Variants in KDM4C observed in about 807,000 individuals in gnomAD.
KDM4C encodes the protein lysine-specific demethylase 4C.
A neutral mutation model predicts 129.3 loss-of-function variants in KDM4C; 81 were observed. That is an observed-to-expected ratio of 0.63 (90% CI 0.52 to 0.75). KDM4C has a LOEUF of 0.75. Ranked by LOEUF, KDM4C falls within the 30% of genes least tolerant of loss-of-function variation. KDM4C has a pLI of 0.00. For synonymous variants in KDM4C, 573 were observed against 456.1 expected (o/e 1.26, Z -3.26); for missense variants, 1,457 against 1,304.0 (o/e 1.12, Z -1.81).
chr9:7,035,112 A>C (rs1370202408), intron 15 of KDM4C, among the ~76,000 whole-genome samples: 2 of 151,546 alleles, frequency 1.3e-5, no homozygotes, highest in Non-Finnish European at 2.9e-5. Context: ...TCCTGAGCTC[A>C]TGTGATCCTC....
At position 7,137,417 on chromosome 9, in the gene KDM4C, G is replaced by A. The variant is rs148868137; in HGVS notation, c.2781+9181G>A. ...CCAGATGTCACTATCACTTCACATC[G>A]TAATATCAGATTGTCACCATTCATT... is the stretch of plus-strand genomic sequence containing the variant. On this transcript the variant is annotated intron_variant, in intron 19 of 21. Transcript: ENST00000381309. Among the ~76,000 whole-genome samples the A allele has an allele frequency of 2.8e-3, 433 of 152,218 alleles. 4 individuals carry two copies. Among genetic ancestry groups the A allele is most frequent in the South Asian group, 0.012 (60 of 4,822 alleles).
intron 1 of KDM4C, among the ~76,000 whole-genome samples, chr9:6,730,024 C>T (rs763683118): frequency 7.4e-6 from 1 of 134,746 alleles, no homozygotes; most frequent in Non-Finnish European, 1.5e-5. Flanking sequence ...GCAGGAGAAT[C>T]GCTTGAACCC....
intron 18 of KDM4C, among the ~76,000 whole-genome samples, chr9:7,117,369 T>G (rs1839017226): frequency 6.6e-6 from 1 of 152,168 alleles, no homozygotes; most frequent in Non-Finnish European, 1.5e-5. Flanking sequence ...CAACTGTAAT[T>G]GAGAGTCAGA....
At chr9:6,947,331 C>A (rs929554970) in intron 8 of KDM4C, among the ~76,000 whole-genome samples, 1 of 152,064 alleles carries the variant, frequency 6.6e-6, no homozygotes, top group South Asian at 2.1e-4. Context: ...CATTTCTCAT[C>A]TTTAGTAGTC....
At chr9:7,054,663 A>G (rs1353626995) in intron 17 of KDM4C, among the ~76,000 whole-genome samples, 1 of 152,224 alleles carries the variant, frequency 6.6e-6, no homozygotes, top group Non-Finnish European at 1.5e-5. Flanking sequence ...GTTAAAAAGA[A>G]GTATGGATTT....
At chr9:6,887,053 A>G (rs1370993182) in intron 6 of KDM4C, among the ~76,000 whole-genome samples, 1 of 152,166 alleles carries the variant, frequency 6.6e-6, no homozygotes, top group African/African-American at 2.4e-5. Context: ...ACACATATGC[A>G]TTGCATGTGC....
intron 15 of KDM4C, among the ~76,000 whole-genome samples, chr9:7,030,592 T>G (rs770078644): frequency 2.0e-5 from 3 of 152,190 alleles, no homozygotes; most frequent in Non-Finnish European, 2.9e-5. Flanking sequence ...TCTGTACCCT[T>G]CAATTATGCT....
chr9:7,158,616 A>G (rs1412428349), intron 19 of KDM4C, among the ~76,000 whole-genome samples: 1 of 152,166 alleles, frequency 6.6e-6, no homozygotes, highest in Non-Finnish European at 1.5e-5. Flanking sequence ...GTCATTCAGG[A>G]GCAGGTTGTT....
At chr9:6,949,170 G>A (rs1259812986) in intron 8 of KDM4C, among the ~76,000 whole-genome samples, 1 of 151,160 alleles carries the variant, frequency 6.6e-6, no homozygotes, top group Non-Finnish European at 1.5e-5. Context: ...CTTCTTAGAC[G>A]GGGTGGCTGC....
intron 8 of KDM4C, among the ~76,000 whole-genome samples, chr9:6,972,177 C>T (rs1475496384): frequency 1.3e-5 from 2 of 151,804 alleles, no homozygotes; most frequent in African/African-American, 4.8e-5. Context: ...AAGAGAGAGA[C>T]CTTGATCTCT....
rs112938373 is a variant in KDM4C at position 6,803,570 on chromosome 9, C to CA, written c.145-2014dup. Among the ~76,000 whole-genome samples, 262 of 100,454 alleles carry CA rather than the reference C, an allele frequency of 2.6e-3. 1 individual carries two copies. In the East Asian group the frequency reaches 0.041, roughly 16 times the overall value. 65.9% of individuals were successfully genotyped at this position (100,454 alleles called of 152,430 possible). ...GGGCAACAAGAGCAAAACTCGGTCT[C>CA]AAAAAAAAAAAAAAAGTTTGTTTTA... On this transcript the variant is annotated intron_variant, in intron 2 of 21. Transcript: ENST00000381309.
At chr9:7,002,225 A>C (rs10975962) in intron 12 of KDM4C, among the ~76,000 whole-genome samples, 55,869 of 152,054 alleles carry the variant, frequency 0.37, 11,396 homozygotes, top group Non-Finnish European at 0.46. Context: ...ATAAAGGGAA[A>C]GGGCTGTTGC....
intron 8 of KDM4C, among the ~76,000 whole-genome samples, chr9:6,898,169 A>G (rs1199716478): frequency 6.6e-6 from 1 of 152,238 alleles, no homozygotes; most frequent in Non-Finnish European, 1.5e-5. Context: ...AGGCTGTTAA[A>G]TGAAACTTTG....
chr9:6,752,670 T>C (rs1315376590), upstream of KDM4C, among the ~76,000 whole-genome samples: 1 of 151,900 alleles, frequency 6.6e-6, no homozygotes. Context: ...TCGCCTTCCC[T>C]GGAATTACAG....
intron 5 of KDM4C, among the ~76,000 whole-genome samples, chr9:6,876,326 G>T (rs544242046): frequency 2.0e-5 from 3 of 152,172 alleles, no homozygotes; most frequent in South Asian, 2.1e-4. Context: ...GCTGCATTCC[G>T]TGTTGTTCTG....
At chr9:6,741,538 C>T (rs890516680) in intron 1 of KDM4C, among the ~76,000 whole-genome samples, 3 of 152,064 alleles carry the variant, frequency 2.0e-5, no homozygotes, top group African/African-American at 4.8e-5. Context: ...TGTAATTTCT[C>T]TTATATCTGA....
In KDM4C at chr9:7,099,477, A is replaced by G. The variant is rs577953725; in HGVS notation, c.2425-4208A>G. Among the ~76,000 whole-genome samples the G allele has an allele frequency of 2.6e-5, 4 of 152,360 alleles. No individual in the cohort carries two copies. In the South Asian group the frequency reaches 8.3e-4, roughly 32 times the overall value. On this transcript the variant is annotated intron_variant, in intron 17 of 21. Transcript: ENST00000381309. Reference sequence around the variant, plus strand: ...GTCCCCCAAGAAAGTACAGTGCTCTATAAATCACACCTGCCTGAGGATTCT... The same window carrying G: ...GTCCCCCAAGAAAGTACAGTGCTCTGTAAATCACACCTGCCTGAGGATTCT...
chr9:6,783,361 G>A (rs1563995251), intron 1 of KDM4C, among the ~76,000 whole-genome samples: 2 of 152,112 alleles, frequency 1.3e-5, no homozygotes, highest in African/African-American at 2.4e-5. Context: ...GGACAGATTC[G>A]TTTTTATCCT....
intron 13 of KDM4C, 37 bp downstream of exon 13, chr9:7,011,916 C>G (rs745828038): frequency 6.4e-7 from 1 of 1,553,162 alleles, no homozygotes; most frequent in East Asian, 2.3e-5. Flanking sequence ...CTTCACTGCT[C>G]TGCCTTCCAT....
Sources: allele counts gnomAD v4.1 joint callset (sites outside exome capture counted in the v4.1 genomes callset), GRCh38; gene constraint gnomAD v4.1.1; transcripts MANE v1.5; gene names NCBI Gene and HGNC (gene_info 2026-07-23, HGNC 2026-07-21).